PRKG2: variants seen among roughly 807,000 people sequenced by gnomAD.
PRKG2 encodes the protein protein kinase cGMP-dependent 2.
Under a neutral mutation model 97.2 loss-of-function variants are expected in PRKG2, and 33 were observed. The observed-to-expected ratio is 0.34, with a 90% CI of 0.26 to 0.45. The LOEUF is 0.45. Ranked by LOEUF, PRKG2 falls within the 20% of genes least tolerant of loss-of-function variation. PRKG2 has a pLI of 1.00. For missense variants in PRKG2, 638 were observed against 900.0 expected (o/e 0.71, Z 3.73); for synonymous variants, 330 against 321.8 (o/e 1.03, Z -0.27).
At chr4:81,148,500 G>A (rs1001296597) in intron 9 of PRKG2, among the ~76,000 whole-genome samples, 4 of 152,092 alleles carry the variant, frequency 2.6e-5, no homozygotes, top group Non-Finnish European at 5.9e-5. Context: ...TTGAGAGAAG[G>A]TTTTGTTCAA....
At chr4:81,164,598 G>A (rs1002228968) in intron 6 of PRKG2, among the ~76,000 whole-genome samples, 1 of 152,124 alleles carries the variant, frequency 6.6e-6, no homozygotes, top group African/African-American at 2.4e-5. Flanking sequence ...GTGCTTCTTA[G>A]ACTTTAATAA....
chr4:81,172,030 C>T (rs1002190977), intron 3 of PRKG2, among the ~76,000 whole-genome samples: 11 of 151,628 alleles, frequency 7.3e-5, no homozygotes, highest in Non-Finnish European at 1.5e-5. Context: ...TGAAGTTCCT[C>T]ATCAACGATG....
intron 1 of PRKG2, among the ~76,000 whole-genome samples, chr4:81,213,537 C>T (rs1266319483): frequency 6.6e-6 from 1 of 152,092 alleles, no homozygotes; most frequent in East Asian, 1.9e-4. Flanking sequence ...GGGATAGACA[C>T]TCAACTACAA....
rs563155196 is a variant in PRKG2, at chr4:81,187,595, G to A, written c.462-12636C>T. 7.7e-4 allele frequency among the ~76,000 whole-genome samples: 117 copies of A among 152,152 alleles called. 1 individual carries two copies. The highest frequency in any genetic ancestry group is 2.6e-3 in the African/African-American group (109 of 41,516). ...CCTCTCACCACTCCTATTCAACATA[G>A]TATTGGAAGTTCTGGCCAGGGCAAT... On this transcript the variant is annotated intron_variant, in intron 2 of 18. Coordinates refer to ENST00000264399, the MANE Select transcript of PRKG2 (RefSeq NM_006259.3).
At chr4:81,195,678 A>G (rs1394852759) in intron 2 of PRKG2, among the ~76,000 whole-genome samples, 1 of 152,196 alleles carries the variant, frequency 6.6e-6, no homozygotes, top group Non-Finnish European at 1.5e-5. Flanking sequence ...TGCAAGCTTC[A>G]TTCCTGCTGT....
intron 4 of PRKG2, among the ~76,000 whole-genome samples, chr4:81,170,238 A>G (rs1750344673): frequency 6.6e-6 from 1 of 152,156 alleles, no homozygotes; most frequent in Non-Finnish European, 1.5e-5. Context: ...AAGAAGCTAC[A>G]TATTATTTAA....
At chr4:81,148,275 T>C (rs1002437539) in intron 9 of PRKG2, among the ~76,000 whole-genome samples, 1 of 152,092 alleles carries the variant, frequency 6.6e-6, no homozygotes, top group Admixed American at 6.6e-5. Flanking sequence ...TTTTGTCAAG[T>C]AGATAACCAG....
intron 9 of PRKG2, 109 bp downstream of exon 9, chr4:81,148,775 A>G: frequency 1.1e-6 from 1 of 928,418 alleles, no homozygotes; most frequent in Non-Finnish European, 1.8e-6. Flanking sequence ...GAGATCGGCC[A>G]GTATTTCCAA....
At chr4:81,103,324 A>G (rs888445862) in intron 17 of PRKG2, among the ~76,000 whole-genome samples, 1 of 148,384 alleles carries the variant, frequency 6.7e-6, no homozygotes, top group Admixed American at 6.7e-5. Flanking sequence ...CCCACCCCAC[A>G]ACAGGCCGTC....
At chr4:81,202,648 A>G (rs1753388284) in intron 2 of PRKG2, among the ~76,000 whole-genome samples, 1 of 152,098 alleles carries the variant, frequency 6.6e-6, no homozygotes, top group South Asian at 2.1e-4. Flanking sequence ...TATTCAGGAG[A>G]TACAATATCC....
chr4:81,197,011 A>C (rs963001563), intron 2 of PRKG2, among the ~76,000 whole-genome samples: 2 of 152,178 alleles, frequency 1.3e-5, no homozygotes, highest in Non-Finnish European at 2.9e-5. Context: ...CCTTCTTGAG[A>C]ATTGTATTGC....
intron 2 of PRKG2, among the ~76,000 whole-genome samples, chr4:81,178,658 T>C (rs1751137608): frequency 6.6e-6 from 1 of 150,694 alleles, no homozygotes; most frequent in Non-Finnish European, 1.5e-5. Flanking sequence ...AATATATTTA[T>C]AGAAGATTGG....
intron 17 of PRKG2, among the ~76,000 whole-genome samples, chr4:81,093,441 C>T (rs903883609): frequency 6.6e-6 from 1 of 151,304 alleles, no homozygotes; most frequent in African/African-American, 2.4e-5. Context: ...TATCTTACCC[C>T]CTTAGCATCT....
chr4:81,173,374 G>A (rs1750655709), intron 3 of PRKG2, among the ~76,000 whole-genome samples: 1 of 152,050 alleles, frequency 6.6e-6, no homozygotes, highest in Admixed American at 6.6e-5. Context: ...CCTTTCATCA[G>A]AACTACTTGG....
intron 14 of PRKG2, among the ~76,000 whole-genome samples, chr4:81,116,636 C>T (rs557066734): frequency 6.6e-6 from 1 of 152,276 alleles, no homozygotes; most frequent in African/African-American, 2.4e-5. Flanking sequence ...ACAATCCCCT[C>T]AGCAGTGTAA....
At chr4:81,142,574 T>C (rs1206675171) in intron 11 of PRKG2, among the ~76,000 whole-genome samples, 1 of 152,210 alleles carries the variant, frequency 6.6e-6, no homozygotes, top group Non-Finnish European at 1.5e-5. Context: ...AAAGACGTGA[T>C]GTAAGCTTGA....
At chr4:81,152,488 C>T (rs914700954) in intron 7 of PRKG2, among the ~76,000 whole-genome samples, 4 of 151,998 alleles carry the variant, frequency 2.6e-5, no homozygotes, top group Admixed American at 2.0e-4. Context: ...ATTGACTGGC[C>T]GAATCCTGTG....
intron 14 of PRKG2, among the ~76,000 whole-genome samples, chr4:81,134,002 T>C (rs1746421707): frequency 6.6e-6 from 1 of 152,184 alleles, no homozygotes; most frequent in African/African-American, 2.4e-5. Flanking sequence ...AATGAAGGAA[T>C]TGTGAAGAAC....
At chr4:81,161,183 A>T (rs1749566269) in intron 6 of PRKG2, among the ~76,000 whole-genome samples, 1 of 152,178 alleles carries the variant, frequency 6.6e-6, no homozygotes, top group African/African-American at 2.4e-5. Context: ...TTTTCATAAC[A>T]CTATGTACAT....
Sources: gnomAD v4.1 joint callset for allele counts (sites outside exome capture counted in the v4.1 genomes callset) on GRCh38, gnomAD v4.1.1 for gene constraint, MANE v1.5 for transcripts, NCBI Gene and HGNC (gene_info 2026-07-23, HGNC 2026-07-21) for gene names.